Variants in SUSD5 observed in about 807,000 individuals in gnomAD.
The protein encoded by SUSD5 is sushi domain containing 5.
SUSD5 carries 33 observed loss-of-function variants against 29.5 expected under a neutral mutation model. The observed-to-expected ratio is 1.12, with a 90% CI of 0.85 to 1.49. The LOEUF is 1.49. Ranked by LOEUF, SUSD5 falls within the 40% of genes most tolerant of loss-of-function variation. The pLI is 0.00. For missense variants in SUSD5, 776 were observed against 800.6 expected, an observed-to-expected ratio of 0.97 and a Z score of 0.37; for synonymous variants, 308 against 325.3, an observed-to-expected ratio of 0.95 and a Z score of 0.57.
At chr3:33,197,367 C>T (rs537448006) in intron 3 of SUSD5, among the ~76,000 whole-genome samples, 65 of 152,226 alleles carry the variant, frequency 4.3e-4, no homozygotes, top group African/African-American at 1.5e-3. Flanking sequence ...AATGAGATAA[C>T]GTTTGTGGGA....
At chr3:33,161,561 T>C (rs188839868) in intron 4 of SUSD5, among the ~76,000 whole-genome samples, 1 of 152,242 alleles carries the variant, frequency 6.6e-6, no homozygotes, top group Non-Finnish European at 1.5e-5. Context: ...AATGCTACTA[T>C]TGAAAGACAA....
At chr3:33,178,743 T>G (rs1301285083) in intron 3 of SUSD5, among the ~76,000 whole-genome samples, 1 of 152,206 alleles carries the variant, frequency 6.6e-6, no homozygotes, top group Non-Finnish European at 1.5e-5. Context: ...TGGCCCGGTC[T>G]GTAGTCTTTT....
chr3:33,186,572 G>A (rs548152566), intron 3 of SUSD5, among the ~76,000 whole-genome samples: 240 of 151,658 alleles, frequency 1.6e-3, no homozygotes, highest in African/African-American at 5.2e-3. Context: ...GACTACAGGC[G>A]CGTGCCACCA....
intron 4 of SUSD5, among the ~76,000 whole-genome samples, chr3:33,168,137 G>A (rs574615575): frequency 2.0e-5 from 3 of 152,284 alleles, no homozygotes; most frequent in East Asian, 3.9e-4. Context: ...ATGTGGCTGG[G>A]GGCTGCAGGA....
intron 3 of SUSD5, among the ~76,000 whole-genome samples, chr3:33,195,977 T>G (rs988442716): frequency 6.6e-6 from 1 of 152,178 alleles, no homozygotes; most frequent in Non-Finnish European, 1.5e-5. Flanking sequence ...GACATTTATC[T>G]CTTAGGATTG....
chr3:33,178,801 T>C (rs761356692), intron 3 of SUSD5, among the ~76,000 whole-genome samples: 20 of 152,206 alleles, frequency 1.3e-4, no homozygotes, highest in Non-Finnish European at 2.5e-4. Flanking sequence ...ACTAGCCTCA[T>C]AGAATGGCTT....
chr3:33,193,435 A>G (rs2031936829), intron 3 of SUSD5, among the ~76,000 whole-genome samples: 3 of 152,154 alleles, frequency 2.0e-5, no homozygotes, highest in South Asian at 2.1e-4. Flanking sequence ...ACATTTAACT[A>G]CAAGGTGTTA....
At chr3:33,191,689 A>G (rs2125626642) in intron 3 of SUSD5, among the ~76,000 whole-genome samples, 1 of 152,014 alleles carries the variant, frequency 6.6e-6, no homozygotes, top group East Asian at 2.0e-4. Flanking sequence ...TCACTCCTGT[A>G]ATCCCAGCAC....
At position 33,154,995 on chromosome 3, in the gene SUSD5, C is replaced by T. The variant is rs181427040; in HGVS notation, c.599-962G>A. 7.9e-4 allele frequency among the ~76,000 whole-genome samples: 121 copies of T among 152,236 alleles called. 1 individual carries two copies. The highest frequency in any genetic ancestry group is 2.7e-3 in the African/African-American group (113 of 41,534). On this transcript the variant is annotated intron_variant, in intron 4 of 4. Transcript: ENST00000309558. ...AAGGCGATATTGAAAAAGAAAAAGC[C>T]GGAAGACATATGCAAAACATTTCAA... is the stretch of plus-strand genomic sequence containing the variant.
chr3:33,181,917 A>G (rs975152310), intron 3 of SUSD5, among the ~76,000 whole-genome samples: 2 of 152,216 alleles, frequency 1.3e-5, no homozygotes, highest in Non-Finnish European at 2.9e-5. Context: ...TCTACAATGC[A>G]TATCTCAAAA....
chr3:33,186,079 G>A (rs571909255), intron 3 of SUSD5, among the ~76,000 whole-genome samples: 17 of 152,226 alleles, frequency 1.1e-4, no homozygotes, highest in African/African-American at 3.1e-4. Context: ...CAAGGCGGGC[G>A]GATCATGAGG....
chr3:33,174,865 G>C, intron 4 of SUSD5, 21 bp downstream of exon 4: 1 of 1,610,530 alleles, frequency 6.2e-7, no homozygotes, highest in Non-Finnish European at 8.5e-7. Flanking sequence ...CGCGAAGGTG[G>C]CCCATCCCTG....
intron 3 of SUSD5, among the ~76,000 whole-genome samples, chr3:33,199,498 C>T (rs1292547641): frequency 1.3e-5 from 2 of 152,238 alleles, no homozygotes; most frequent in Non-Finnish European, 2.9e-5. Flanking sequence ...CGGTCTCGAT[C>T]TCCTGACCTC....
At chr3:33,218,244 G>A (rs2032459529) in intron 1 of SUSD5, among the ~76,000 whole-genome samples, 1 of 152,036 alleles carries the variant, frequency 6.6e-6, no homozygotes, top group African/African-American at 2.4e-5. Flanking sequence ...CATCTTTCAC[G>A]TCTTCCCGGA....
chr3:33,160,780 G>A (rs4234240), intron 4 of SUSD5, among the ~76,000 whole-genome samples: 41,072 of 151,750 alleles, frequency 0.27, 6,160 homozygotes, highest in East Asian at 0.51. Context: ...AGAGCAGACT[G>A]AGAATTTTAT....
At chr3:33,202,721 G>A (rs2032143957) in intron 3 of SUSD5, among the ~76,000 whole-genome samples, 1 of 152,188 alleles carries the variant, frequency 6.6e-6, no homozygotes, top group Non-Finnish European at 1.5e-5. Context: ...TCAGAATCCA[G>A]TTGGTTAAAA....
At chr3:33,188,067 T>A (rs1263968152) in intron 3 of SUSD5, among the ~76,000 whole-genome samples, 2 of 152,206 alleles carry the variant, frequency 1.3e-5, no homozygotes. Context: ...ATTCTGTCTA[T>A]CAACCAAATG....
At position 33,153,731 on chromosome 3, in the gene SUSD5, A is replaced by G. The variant is rs756037178; in HGVS notation, c.901T>C (p.Phe301Leu). Residue 301 changes from phenylalanine (F) to leucine (L), a missense_variant, in exon 5 of 5, where the codon TTC becomes CTC. Phe to Leu is a conservative substitution (Grantham distance 22). Coordinates refer to ENST00000309558, the MANE Select transcript of SUSD5 (RefSeq NM_015551.2). ...KHLFWFPAEA[F>L]HKPGLEKEVD... ...TCCTTTTCCAACCCAGGCTTGTGGA[A>G]AGCCTCAGCAGGAAACCAGAACAAG... is the stretch of plus-strand genomic sequence containing the variant. 6.2e-7 allele frequency: 1 copy of G among 1,614,040 alleles called. No individual in the cohort carries two copies. Among genetic ancestry groups the G allele is most frequent in the East Asian group, 2.2e-5 (1 of 44,886 alleles).
In SUSD5 at chr3:33,190,270, G is replaced by C. The variant is rs149602602; in HGVS notation, c.410-15196C>G. 350 of 164,230 alleles carry C rather than the reference G, an allele frequency of 2.1e-3. 1 individual carries two copies. The highest frequency in any genetic ancestry group is 3.3e-3 in the Non-Finnish European group (246 of 74,934). 10.2% of individuals were successfully genotyped at this position (164,230 alleles called of 1,614,324 possible). ...TTTTTTGAGATAAGCTATCAAGTCTGCCCTTTCTGCCTTCTTCTTAATGCT... is the reference window on the plus strand; with the variant it reads ...TTTTTTGAGATAAGCTATCAAGTCTCCCCTTTCTGCCTTCTTCTTAATGCT... On this transcript the variant is annotated intron_variant, in intron 3 of 4. Transcript: ENST00000309558.
Sources: gnomAD v4.1 joint callset for allele counts (sites outside exome capture counted in the v4.1 genomes callset) on GRCh38, gnomAD v4.1.1 for gene constraint, MANE v1.5 for transcripts, NCBI Gene and HGNC (gene_info 2026-07-23, HGNC 2026-07-21) for gene names.